Variants in CHD1 observed in about 807,000 individuals in gnomAD.
The protein encoded by CHD1 is chromodomain helicase DNA binding protein 1.
CHD1 carries 36 observed loss-of-function variants against 224.2 expected under a neutral mutation model. The observed-to-expected ratio is 0.16, with a 90% CI of 0.12 to 0.21. The LOEUF (loss-of-function observed/expected upper bound fraction) is 0.21. Ranked by LOEUF, CHD1 falls within the 10% of genes least tolerant of loss-of-function variation. The pLI, the probability that CHD1 is intolerant of heterozygous loss-of-function variation, is 1.00. For missense variants in CHD1, 1,378 were observed against 1,994.8 expected (o/e 0.69, Z 5.89); for synonymous variants, 668 against 658.3 (o/e 1.01, Z -0.23).
At position 98,856,110 on chromosome 5, in the gene CHD1, G is replaced by A; in HGVS notation, c.*270C>T. 3.9e-6 allele frequency: 1 copy of A among 255,448 alleles called. No homozygotes were observed. The highest frequency in any genetic ancestry group is 7.7e-6 in the Non-Finnish European group (1 of 129,864). 15.8% of individuals were successfully genotyped at this position (255,448 alleles called of 1,614,324 possible). A position where few individuals can be genotyped will look rare whatever the true frequency, so the allele number is the denominator to read the frequency against. The stretch of plus-strand genomic sequence containing the variant: ...GCCTGTATGGGAGGGCAGTGTTGAG[G>A]TCCCTGTAATAGTAAACATTTTCCA... On this transcript the variant is annotated 3_prime_UTR_variant, in exon 36 of 36. Coordinates refer to ENST00000614616, the MANE Select transcript of CHD1 (RefSeq NM_001270.4).
intron 17 of CHD1, among the ~76,000 whole-genome samples, chr5:98,887,561 G>C (rs1430299663): frequency 6.6e-6 from 1 of 152,100 alleles, no homozygotes; most frequent in Admixed American, 6.5e-5. Flanking sequence ...ATCAATATTA[G>C]CTTTAGTTAT....
chr5:98,872,686 C>T, intron 26 of CHD1, 131 bp from the exon 27 acceptor site: 1 of 783,166 alleles, frequency 1.3e-6, no homozygotes, highest in Non-Finnish European at 2.0e-6. Flanking sequence ...TAAGAGATTA[C>T]TGGAAAACCT....
At chr5:98,900,016 C>T (rs1751591732) in intron 7 of CHD1, among the ~76,000 whole-genome samples, 1 of 152,130 alleles carries the variant, frequency 6.6e-6, no homozygotes, top group African/African-American at 2.4e-5. Flanking sequence ...AGCACGGTGG[C>T]TCACGCCTGT....
At position 98,926,418 on chromosome 5, in the gene CHD1, A is replaced by T. The variant is rs1753461138; in HGVS notation, c.-32T>A. The T allele has an allele frequency of 4.2e-6, 5 of 1,187,328 alleles. No individual in the cohort carries two copies. The highest frequency in any genetic ancestry group is 5.9e-6 in the Non-Finnish European group (5 of 847,400). The allele number at this position is 1,187,328 out of a possible 1,614,324, so 73.5% of individuals were successfully genotyped here. A position where few individuals can be genotyped will look rare whatever the true frequency, so the allele number is the denominator to read the frequency against. ...TTATTATCAAGAAGTTTTAAAGTAA[A>T]ATATAAATCTTCCCAGTTTAAAAGA... On this transcript the variant is annotated 5_prime_UTR_variant, in exon 2 of 36. Coordinates refer to ENST00000614616, the MANE Select transcript of CHD1 (RefSeq NM_001270.4).
Position 98,879,548 on chromosome 5 carries a change from T to C in CHD1, c.3237+4A>G. ...TAGAAATATCTTTAAAATTGCAAAATCACCTGTTTTGCACAATTTCTCATT... is the reference window on the plus strand; with the variant it reads ...TAGAAATATCTTTAAAATTGCAAAACCACCTGTTTTGCACAATTTCTCATT... On this transcript the variant is annotated splice_donor_region_variant and intron_variant, in intron 23 of 35. Transcript: ENST00000614616. The C allele has an allele frequency of 6.3e-7, 1 of 1,579,950 alleles. No homozygotes were observed.
intron 2 of CHD1, among the ~76,000 whole-genome samples, chr5:98,925,432 CCT>C (rs1198130545): frequency 6.6e-6 from 1 of 152,104 alleles, no homozygotes; most frequent in Non-Finnish European, 1.5e-5. Context: ...AGTTTAATCC[CCT>C]CTTTATGGGG....
At chr5:98,874,940 G>T in intron 25 of CHD1, 132 bp downstream of exon 25, 1 of 594,222 alleles carries the variant, frequency 1.7e-6, no homozygotes, top group Non-Finnish European at 3.0e-6. Context: ...AATTTCCCTT[G>T]TACATTAATT....
At position 98,899,635 on chromosome 5, in the gene CHD1, G is replaced by A. The variant is rs777606278; in HGVS notation, c.930C>T (p.Asn310=). 6.2e-7 allele frequency: 1 copy of A among 1,613,190 alleles called. No individual in the cohort carries two copies. The highest frequency in any genetic ancestry group is 1.7e-5 in the Admixed American group (1 of 59,928). The part of the protein sequence containing the change: ...DGDPNAGFEK[N]KEPGEIQYLI... ...AATACTGAATCTCTCCTGGTTCTTT[G>A]TTTTTTTCAAAGCCTGCATTTGGGT... The change falls in exon 8 of 36, where the codon AAC becomes AAT. Residue 310 remains asparagine, a synonymous_variant. Coordinates refer to ENST00000614616, the MANE Select transcript of CHD1 (RefSeq NM_001270.4).
At chr5:98,893,785 C>T (rs1751173623) in intron 13 of CHD1, among the ~76,000 whole-genome samples, 179 bp from the exon 14 acceptor site, 1 of 151,976 alleles carries the variant, frequency 6.6e-6, no homozygotes, top group Admixed American at 6.6e-5. Context: ...GCACATATTC[C>T]TTCTATGACA....
chr5:98,883,448 G>A (rs970391444), intron 18 of CHD1, among the ~76,000 whole-genome samples: 1 of 151,966 alleles, frequency 6.6e-6, no homozygotes, highest in Non-Finnish European at 1.5e-5. Context: ...AAGAAAACGG[G>A]ATAGGAAAGG....
intron 32 of CHD1, among the ~76,000 whole-genome samples, chr5:98,860,881 T>C (rs1748416582): frequency 6.6e-6 from 1 of 152,202 alleles, no homozygotes; most frequent in African/African-American, 2.4e-5. Context: ...GGAAAATTCA[T>C]CTAGCCTTTA....
At chr5:98,908,798 C>A (rs1177749918) in intron 2 of CHD1, among the ~76,000 whole-genome samples, 1 of 85,094 alleles carries the variant, frequency 1.2e-5, no homozygotes, top group East Asian at 2.3e-4. Flanking sequence ...AATACACCCA[C>A]GGAATAAATA....
intron 2 of CHD1, among the ~76,000 whole-genome samples, chr5:98,908,245 CTCTTT>C (rs893966817): frequency 1.3e-5 from 2 of 152,144 alleles, no homozygotes; most frequent in Non-Finnish European, 2.9e-5. Context: ...ACCATTCCTT[CTCTTT>C]TCTTTTTATT....
intron 7 of CHD1, among the ~76,000 whole-genome samples, chr5:98,899,937 C>A (rs1751586218): frequency 6.6e-6 from 1 of 152,016 alleles, no homozygotes; most frequent in Non-Finnish European, 1.5e-5. Context: ...AGACAGAGAT[C>A]CACCTGAGAT....
intron 29 of CHD1, 137 bp from the exon 30 acceptor site, chr5:98,870,019 GA>G: frequency 1.7e-6 from 1 of 597,904 alleles, no homozygotes; most frequent in Non-Finnish European, 2.9e-6. Context: ...ACCAACATCA[GA>G]AACTCAATAA....
chr5:98,911,130 G>GAAA lies in CHD1; in HGVS notation c.54-6035_54-6033dup, dbSNP rs11451331. 1.8e-3 allele frequency among the ~76,000 whole-genome samples: 81 copies of GAAA among 44,030 alleles called. 1 individual carries two copies. The highest frequency in any genetic ancestry group is 6.5e-3 in the African/African-American group (58 of 8,990). The allele number at this position is 44,030 out of a possible 152,430, so 28.9% of individuals were successfully genotyped here. ...TCTAACAACCTTCCTGTGCTAAAAT[G>GAAA]AAAAAAAAAAAAAAAAATATATATA... is the stretch of plus-strand genomic sequence containing the variant. On this transcript the variant is annotated intron_variant, in intron 2 of 35. Transcript: ENST00000614616.
intron 15 of CHD1, among the ~76,000 whole-genome samples, chr5:98,891,404 T>C (rs1281501267): frequency 6.6e-6 from 1 of 152,070 alleles, no homozygotes; most frequent in Non-Finnish European, 1.5e-5. Context: ...AAATCAATTA[T>C]TAGAAATACA....
chr5:98,892,605 T>C lies in CHD1; in HGVS notation c.2100A>G (p.Lys700=). Residue 700 remains lysine, a synonymous_variant, in exon 15 of 36, where the codon AAA becomes AAG. Transcript: ENST00000614616. ...LEPFLLRRVK[K]DVEKSLPAKV... ...TGGCAGGAAGAGATTTTTCCACATC[T>C]TTCTTAACTCGGCGTAACAGAAATG... 1 of 1,613,910 alleles carries C rather than the reference T, an allele frequency of 6.2e-7. No individual in the cohort carries two copies. Among genetic ancestry groups the C allele is most frequent in the South Asian group, 1.1e-5 (1 of 91,064 alleles).
At position 98,883,082 on chromosome 5, in the gene CHD1, A is replaced by T; in HGVS notation, c.2718+6T>A. ...GCAATATAATATAAATTAAAATTAA[A>T]AATACCTGTTTCTTTTGCCCAATTC... On this transcript the variant is annotated splice_donor_region_variant and intron_variant, in intron 19 of 35. Transcript: ENST00000614616. 3.5e-6 allele frequency: 5 copies of T among 1,431,696 alleles called. No homozygotes were observed. Among genetic ancestry groups the T allele is most frequent in the Non-Finnish European group, 4.6e-6 (5 of 1,085,710 alleles). 88.7% of individuals were successfully genotyped at this position (1,431,696 alleles called of 1,614,324 possible).
Sources: gnomAD v4.1 joint callset for allele counts (sites outside exome capture counted in the v4.1 genomes callset) on GRCh38, gnomAD v4.1.1 for gene constraint, MANE v1.5 for transcripts, NCBI Gene and HGNC (gene_info 2026-07-23, HGNC 2026-07-21) for gene names.